The following RSPH14 variants were observed in gnomAD, a reference collection of about 807,000 sequenced individuals.
RSPH14 encodes radial spoke head 14 homolog.
A neutral mutation model predicts 26.7 loss-of-function variants in RSPH14; 20 were observed. The ratio of observed to expected loss-of-function variants is 0.75; its 90% CI spans 0.53 to 1.09. RSPH14 has a LOEUF of 1.09. RSPH14 is among the 50% of genes least tolerant of loss of function. RSPH14 has a pLI of 0.00. For missense variants in RSPH14, 449 were observed against 457.2 expected (o/e 0.98, Z 0.16); for synonymous variants, 177 against 189.3 (o/e 0.93, Z 0.53).
At chr22:23,160,800 A>G in the RSPH14 span, 780,912 of 1,552,816 alleles carry the variant, frequency 0.5, 197,904 homozygotes, top group East Asian at 0.63. Flanking sequence ...AGGGTAGGCT[A>G]GCCTGGCTTT....
At chr22:23,138,421 C>G (rs1283744743) in intron 3 of RSPH14, among the ~76,000 whole-genome samples, 1 of 151,994 alleles carries the variant, frequency 6.6e-6, no homozygotes, top group Non-Finnish European at 1.5e-5. Flanking sequence ...ATTAGCTGAG[C>G]GTGATGACAC....
chr22:23,085,231 C>A (rs1000551832), intron 4 of RSPH14, among the ~76,000 whole-genome samples: 4 of 152,216 alleles, frequency 2.6e-5, no homozygotes, highest in African/African-American at 9.6e-5. Context: ...ACATTTTTCT[C>A]TGTGTCCTCT....
At chr22:23,177,707 A>T in the RSPH14 span, among the ~76,000 whole-genome samples, 2 of 152,166 alleles carry the variant, frequency 1.3e-5, no homozygotes, top group South Asian at 4.1e-4. Context: ...CTGTCCCACA[A>T]GGGAGAAAGC....
chr22:23,140,601 G>A, intron 1 of RSPH14, 129 bp from the exon 2 acceptor site: 1 of 1,103,542 alleles, frequency 9.1e-7, no homozygotes, highest in Non-Finnish European at 1.2e-6. Flanking sequence ...GCAAACTGAG[G>A]CTGAGAGCAA....
At chr22:23,074,984 A>T (rs772030454) in intron 4 of RSPH14, among the ~76,000 whole-genome samples, 4 of 152,208 alleles carry the variant, frequency 2.6e-5, no homozygotes, top group African/African-American at 4.8e-5. Context: ...CCTGAGCAAC[A>T]TGTAAGAGCC....
chr22:23,091,208 G>T (rs116826338), intron 4 of RSPH14, among the ~76,000 whole-genome samples: 2 of 152,294 alleles, frequency 1.3e-5, no homozygotes, highest in East Asian at 1.9e-4. Flanking sequence ...GGATCTGCGC[G>T]TGCACATGAA....
At chr22:23,123,777 G>T in intron 4 of RSPH14, 1 of 301,506 alleles carries the variant, frequency 3.3e-6, no homozygotes, top group Non-Finnish European at 6.3e-6. Flanking sequence ...TCCACTTGGG[G>T]GTCTGCATTG....
chr22:23,123,476 G>A (rs2070089709), intron 4 of RSPH14: 3 of 1,336,106 alleles, frequency 2.2e-6, no homozygotes, highest in African/African-American at 1.4e-5. Context: ...AACCCACGGG[G>A]TGTCATGCCC....
At chr22:23,118,019 AC>A (rs1339820123) in intron 4 of RSPH14, among the ~76,000 whole-genome samples, 1 of 152,156 alleles carries the variant, frequency 6.6e-6, no homozygotes, top group Non-Finnish European at 1.5e-5. Flanking sequence ...AATACCCCAG[AC>A]CCGCAGGCCA....
intron 4 of RSPH14, among the ~76,000 whole-genome samples, chr22:23,084,163 A>T (rs983428999): frequency 1.8e-4 from 28 of 152,184 alleles, no homozygotes; most frequent in African/African-American, 6.5e-4. Flanking sequence ...TCCCCGGAAG[A>T]TGTGGCTTTT....
intron 4 of RSPH14, among the ~76,000 whole-genome samples, chr22:23,101,411 C>T (rs574998399): frequency 6.6e-6 from 1 of 152,318 alleles, no homozygotes; most frequent in East Asian, 1.9e-4. Flanking sequence ...GCTGTGTAGC[C>T]AGCCTTCCCT....
chr22:23,085,385 G>C (rs1462598068), intron 4 of RSPH14, among the ~76,000 whole-genome samples: 1 of 152,176 alleles, frequency 6.6e-6, no homozygotes, highest in Non-Finnish European at 1.5e-5. Context: ...GCCACACACA[G>C]TGGGGCTGGA....
the RSPH14 span, chr22:23,160,934 G>T: frequency 6.2e-7 from 1 of 1,613,658 alleles, no homozygotes; most frequent in Non-Finnish European, 8.5e-7. Context: ...TCGAGCAGTC[G>T]GTGCTGCAGG....
At chr22:23,172,102 G>A in the RSPH14 span, among the ~76,000 whole-genome samples, 2 of 152,310 alleles carry the variant, frequency 1.3e-5, no homozygotes, top group Non-Finnish European at 2.9e-5. Flanking sequence ...CATACAATAT[G>A]TGGCTTTTTG....
At chr22:23,154,886 G>T in the RSPH14 span, among the ~76,000 whole-genome samples, 1 of 152,166 alleles carries the variant, frequency 6.6e-6, no homozygotes, top group East Asian at 1.9e-4. Flanking sequence ...AGCACTTTGG[G>T]AGGCCAGGGC....
the RSPH14 span, among the ~76,000 whole-genome samples, chr22:23,154,512 A>AG: frequency 6.6e-6 from 1 of 152,322 alleles, no homozygotes; most frequent in African/African-American, 2.4e-5. Flanking sequence ...TGCAGGACTG[A>AG]GGGATCCAGA....
chr22:23,158,135 C>T, the RSPH14 span: 66 of 1,566,806 alleles, frequency 4.2e-5, no homozygotes, highest in East Asian at 1.3e-3. Flanking sequence ...ACCCTGACCC[C>T]GTGGTGGGTG....
intron 4 of RSPH14, among the ~76,000 whole-genome samples, chr22:23,109,169 A>G (rs74545160): frequency 0.044 from 6,648 of 152,206 alleles, 513 homozygotes; most frequent in African/African-American, 0.15. Flanking sequence ...CACCCAGAAT[A>G]ACTGCTGTCT....
chr22:23,145,165 C>T, upstream of RSPH14: 1 of 598,568 alleles, frequency 1.7e-6, no homozygotes. Context: ...CCCAGCCGAG[C>T]TGATCACCAG....
Sources: gnomAD v4.1 joint callset for allele counts (sites outside exome capture counted in the v4.1 genomes callset) on GRCh38, gnomAD v4.1.1 for gene constraint, MANE v1.5 for transcripts, NCBI Gene and HGNC (gene_info 2026-07-23, HGNC 2026-07-21) for gene names.